CTNNA2: variants seen among roughly 807,000 people sequenced by gnomAD.
CTNNA2 encodes catenin alpha 2, also known as catenin alpha-2.
Under a neutral mutation model 101.0 loss-of-function variants are expected in CTNNA2, and 42 were observed. That is an observed-to-expected ratio of 0.42 (90% CI 0.32 to 0.54). The LOEUF (loss-of-function observed/expected upper bound fraction) is 0.54. Among genes scored for constraint, CTNNA2 ranks in the 20% least tolerant of loss-of-function variants. The pLI, the probability that CTNNA2 is intolerant of heterozygous loss-of-function variation, is 0.14. For missense variants in CTNNA2, 871 were observed against 1,223.1 expected, an observed-to-expected ratio of 0.71 and a Z score of 4.29; for synonymous variants, 450 against 456.4, an observed-to-expected ratio of 0.99 and a Z score of 0.18.
intron 7 of CTNNA2, among the ~76,000 whole-genome samples, chr2:80,077,855 A>G (rs908923855): frequency 9.2e-5 from 14 of 152,200 alleles, no homozygotes; most frequent in African/African-American, 3.4e-4. Context: ...GATGTGTTCT[A>G]TATCCTGGTT....
chr2:80,163,374 A>G (rs192822426), intron 7 of CTNNA2, among the ~76,000 whole-genome samples: 263 of 152,254 alleles, frequency 1.7e-3, no homozygotes, highest in African/African-American at 5.7e-3. Flanking sequence ...CCATAAATTA[A>G]GAAGTGTGTT....
intron 9 of CTNNA2, among the ~76,000 whole-genome samples, chr2:80,426,249 C>T (rs2149417787): frequency 6.6e-6 from 1 of 152,284 alleles, no homozygotes; most frequent in Non-Finnish European, 1.5e-5. Context: ...TATGGCAACT[C>T]AGCAGCAAAG....
chr2:80,158,791 GT>G (rs1385960248), intron 7 of CTNNA2, among the ~76,000 whole-genome samples: 7 of 152,000 alleles, frequency 4.6e-5, no homozygotes, highest in Non-Finnish European at 1.0e-4. Flanking sequence ...GGTGCCTGTA[GT>G]CCCAGCTACT....
Position 80,470,208 on chromosome 2 carries a change from G to A in CTNNA2, c.1290+50607G>A, listed in dbSNP as rs150182320. Among the ~76,000 whole-genome samples, 295 of 152,270 alleles carry A rather than the reference G, an allele frequency of 1.9e-3. 2 individuals carry two copies. Among genetic ancestry groups the A allele is most frequent in the African/African-American group, 6.9e-3 (286 of 41,562 alleles). ...TCTTAGATCTCTTGCCTACCACTTT[G>A]TCTACCACTTTCTCTTGAGGCAGAT... is the stretch of plus-strand genomic sequence containing the variant. On this transcript the variant is annotated intron_variant, in intron 9 of 18. Coordinates refer to ENST00000402739, the MANE Select transcript of CTNNA2 (RefSeq NM_001282597.3).
chr2:79,694,282 G>A (rs1274187396), intron 2 of CTNNA2, among the ~76,000 whole-genome samples: 1 of 151,918 alleles, frequency 6.6e-6, no homozygotes, highest in African/African-American at 2.4e-5. Context: ...AAAGAAAAAA[G>A]TGTTTAGACT....
At chr2:80,106,904 T>A (rs1369442455) in intron 7 of CTNNA2, among the ~76,000 whole-genome samples, 1 of 152,142 alleles carries the variant, frequency 6.6e-6, no homozygotes, top group Non-Finnish European at 1.5e-5. Flanking sequence ...TTGGGGGCCC[T>A]GGCAGGGAAA....
chr2:79,818,771 A>G (rs1677734872), intron 3 of CTNNA2, among the ~76,000 whole-genome samples: 1 of 145,748 alleles, frequency 6.9e-6, no homozygotes, highest in East Asian at 2.1e-4. Flanking sequence ...GGTTTTGTTT[A>G]CAGTTTTGCT....
chr2:79,508,955 GTATA>G (rs530470576), upstream of CTNNA2, among the ~76,000 whole-genome samples: 13 of 90,932 alleles, frequency 1.4e-4, no homozygotes, highest in Non-Finnish European at 2.1e-4. Context: ...CACCATTGCA[GTATA>G]TATATATATA....
At chr2:79,289,833 A>C (rs1301454592) in intron 2 of CTNNA2, among the ~76,000 whole-genome samples, 1 of 152,226 alleles carries the variant, frequency 6.6e-6, no homozygotes, top group African/African-American at 2.4e-5. Flanking sequence ...TGACAGTATG[A>C]CATTACATCC....
At chr2:79,468,214 G>T (rs1024616317) in intron 4 of CTNNA2, among the ~76,000 whole-genome samples, 5 of 152,118 alleles carry the variant, frequency 3.3e-5, no homozygotes, top group Admixed American at 6.5e-5. Context: ...ATAAAAAAAG[G>T]CAGGGGTTGC....
intron 6 of CTNNA2, among the ~76,000 whole-genome samples, chr2:79,907,944 G>GT (rs1211313841): frequency 6.6e-6 from 1 of 152,098 alleles, no homozygotes; most frequent in Non-Finnish European, 1.5e-5. Context: ...GTGCCCAAAG[G>GT]TTCTATCTCT....
At chr2:80,577,553 A>T (rs1193100577) in intron 13 of CTNNA2, among the ~76,000 whole-genome samples, 11 of 152,136 alleles carry the variant, frequency 7.2e-5, no homozygotes, top group Non-Finnish European at 1.5e-4. Flanking sequence ...TAAAAGGACC[A>T]CCATGGCCAT....
At chr2:79,537,627 A>G (rs1001145766) in intron 1 of CTNNA2, among the ~76,000 whole-genome samples, 1 of 152,190 alleles carries the variant, frequency 6.6e-6, no homozygotes, top group Non-Finnish European at 1.5e-5. Flanking sequence ...GCTCAAATTC[A>G]GGGGTTCACC....
chr2:80,442,354 T>C (rs1264717299), intron 9 of CTNNA2, among the ~76,000 whole-genome samples: 1 of 152,216 alleles, frequency 6.6e-6, no homozygotes, highest in East Asian at 1.9e-4. Context: ...TGCCCAGCCA[T>C]CTGGACCTTC....
At chr2:80,568,197 A>T (rs1694237987) in intron 12 of CTNNA2, among the ~76,000 whole-genome samples, 1 of 152,246 alleles carries the variant, frequency 6.6e-6, no homozygotes, top group Admixed American at 6.5e-5. Context: ...CAGAATGCCC[A>T]CTAATCACTT....
At chr2:79,831,343 A>T (rs781183165) in intron 3 of CTNNA2, among the ~76,000 whole-genome samples, 11 of 152,052 alleles carry the variant, frequency 7.2e-5, no homozygotes, top group Non-Finnish European at 1.6e-4. Flanking sequence ...CTGTTTTTCA[A>T]ATTTTCTTTT....
chr2:79,704,934 G>A (rs1053626255), intron 2 of CTNNA2, among the ~76,000 whole-genome samples: 4 of 139,398 alleles, frequency 2.9e-5, no homozygotes, highest in Non-Finnish European at 6.4e-5. Context: ...TCTGATGCTC[G>A]AAAGTATGGG....
intron 7 of CTNNA2, among the ~76,000 whole-genome samples, chr2:80,114,110 G>A (rs573077538): frequency 1.2e-4 from 18 of 152,246 alleles, no homozygotes; most frequent in African/African-American, 2.9e-4. Flanking sequence ...AGAAAATTCC[G>A]TCGTCTAAAT....
intron 3 of CTNNA2, among the ~76,000 whole-genome samples, chr2:79,762,351 G>A (rs754129010): frequency 4.6e-5 from 7 of 152,140 alleles, no homozygotes; most frequent in Admixed American, 1.3e-4. Flanking sequence ...CATTTCAAGA[G>A]AAATCCCCCT....
Sources: allele counts gnomAD v4.1 joint callset (sites outside exome capture counted in the v4.1 genomes callset), GRCh38; gene constraint gnomAD v4.1.1; transcripts MANE v1.5; gene names NCBI Gene and HGNC (gene_info 2026-07-23, HGNC 2026-07-21).